The following TSC1 variants were observed in gnomAD, a reference collection of about 807,000 sequenced individuals.
TSC1 encodes the protein hamartin.
TSC1 carries 20 observed loss-of-function variants against 124.3 expected under a neutral mutation model. That is an observed-to-expected ratio of 0.16 (90% CI 0.11 to 0.23). The LOEUF (loss-of-function observed/expected upper bound fraction) is 0.23. Among genes scored for constraint, TSC1 ranks in the 10% least tolerant of loss-of-function variants. TSC1 has a pLI of 1.00. For synonymous variants in TSC1, 493 were observed against 539.1 expected (o/e 0.91, Z 1.19); for missense variants, 1,124 against 1,448.5 (o/e 0.78, Z 3.64).
Position 132,911,515 on chromosome 9 carries a change from G to C in TSC1, c.967C>G (p.Pro323Ala), listed in dbSNP as rs781189978. ...STSRLMLLNM[P>A]GQLPQTLSSP... ...CTCAGAGTCTGAGGTAGCTGCCCTG[G>C]CATATTTAACAACATCAGCCGAGAC... is the stretch of plus-strand genomic sequence containing the variant. The change falls in exon 10 of 23, where the codon CCA becomes GCA. Residue 323 changes from proline (P) to alanine (A), a missense_variant. Transcript: ENST00000298552. 2.5e-6 allele frequency: 4 copies of C among 1,613,380 alleles called. No individual in the cohort carries two copies. Among genetic ancestry groups the C allele is most frequent in the Non-Finnish European group, 3.4e-6 (4 of 1,179,932 alleles).
In TSC1 at chr9:132,903,743, G is replaced by A. The variant is rs1588304163; in HGVS notation, c.2116C>T (p.Arg706Cys). ...LLLHNQLLYE[R>C]FKRQQHALRN... ...AGGGCATGCTGCTGCCTCTTAAAAC[G>A]CTCATAGAGTAACTGGTTGTGCAGT... is the stretch of plus-strand genomic sequence containing the variant. Residue 706 changes from arginine (R) to cysteine (C), a missense_variant, in exon 17 of 23, where the codon CGT (arginine) becomes TGT (cysteine). Physicochemically the swap from Arg to Cys is radical, Grantham distance 180 (BLOSUM62 -3). This residue lies in a region of TSC1 where 321 missense variants were observed against 397.4 expected (regional missense o/e 0.81). Transcript: ENST00000298552. This position sits in a 1 kb window ranked among gnomAD's most constrained non-coding sequence, Gnocchi z 5.9. 2 of 1,613,626 alleles carry A rather than the reference G, an allele frequency of 1.2e-6. No individual in the cohort carries two copies. Among genetic ancestry groups the A allele is most frequent in the Non-Finnish European group, 1.7e-6 (2 of 1,180,016 alleles).
At chr9:132,931,740 G>A (rs550873550) in intron 2 of TSC1, among the ~76,000 whole-genome samples, 1 of 152,290 alleles carries the variant, frequency 6.6e-6, no homozygotes, top group African/African-American at 2.4e-5. Flanking sequence ...AGGGTCTACA[G>A]TAAGTGCAAG....
chr9:132,892,630 C>T lies in TSC1; in HGVS notation c.*3605G>A. On this transcript the variant is annotated 3_prime_UTR_variant, in exon 23 of 23. Transcript: ENST00000298552. ...TCCAGCCTGTGCAGGCCTCCTCCCA[C>T]CTCTTAGTGCTTTCAGCGAGAAAAG... 2 of 233,380 alleles carry T rather than the reference C, an allele frequency of 8.6e-6. No homozygotes were observed. 14.5% of individuals were successfully genotyped at this position (233,380 alleles called of 1,614,324 possible).
rs2131562067 is a variant in TSC1 at position 132,894,595 on chromosome 9, C to T, written c.*1640G>A. 4.4e-6 allele frequency: 1 copy of T among 225,988 alleles called. No individual in the cohort carries two copies. Among genetic ancestry groups the T allele is most frequent in the East Asian group, 6.3e-5 (1 of 15,758 alleles). 14.0% of individuals were successfully genotyped at this position (225,988 alleles called of 1,614,324 possible). On this transcript the variant is annotated 3_prime_UTR_variant, in exon 23 of 23. Coordinates refer to ENST00000298552, the MANE Select transcript of TSC1 (RefSeq NM_000368.5). ...TGGGAATCAGTCACACCCAGAAAGC[C>T]TGCCTGAACAGGTTTTCTGCTGGTA... is the stretch of plus-strand genomic sequence containing the variant.
At chr9:132,930,791 C>T (rs1416403252) in intron 2 of TSC1, among the ~76,000 whole-genome samples, 1 of 152,044 alleles carries the variant, frequency 6.6e-6, no homozygotes. Context: ...ATTAAAATGT[C>T]TAAATGCCTT....
At position 132,930,587 on chromosome 9, in the gene TSC1, C is replaced by CAAAAAA. The variant is rs58163733; in HGVS notation, c.-80-1641_-80-1636dup. Among the ~76,000 whole-genome samples the CAAAAAA allele has an allele frequency of 1.9e-3, 86 of 45,200 alleles. 1 individual carries two copies. Among genetic ancestry groups the CAAAAAA allele is most frequent in the African/African-American group, 4.1e-3 (41 of 10,062 alleles). The allele number at this position is 45,200 out of a possible 152,430, so 29.7% of individuals were successfully genotyped here. A position where few individuals can be genotyped will look rare whatever the true frequency, so the allele number is the denominator to read the frequency against. On this transcript the variant is annotated intron_variant, in intron 2 of 22. Coordinates refer to ENST00000298552, the MANE Select transcript of TSC1 (RefSeq NM_000368.5). ...TGGGCAACAAAGCAAGACTCTGCCTCAAAAAAAAAAAAAAAAAAAAAAAAA... is the reference window on the plus strand; with the variant it reads ...TGGGCAACAAAGCAAGACTCTGCCTCAAAAAAAAAAAAAAAAAAAAAAAAAAAAAAA...
At chr9:132,910,301 CAAAAA>C (rs10712193) in intron 12 of TSC1, 969 of 475,496 alleles carry the variant, frequency 2.0e-3, no homozygotes, top group South Asian at 2.3e-3. Flanking sequence ...ACCCTGTCTC[CAAAAA>C]AAAAAAAAAA....
At chr9:132,897,934 T>A (rs1034854283) in intron 20 of TSC1, among the ~76,000 whole-genome samples, 17 of 152,212 alleles carry the variant, frequency 1.1e-4, no homozygotes, top group African/African-American at 4.1e-4. Context: ...TAAATTAAAA[T>A]ACATCCTATA....
At position 132,895,322 on chromosome 9, in the gene TSC1, G is replaced by A. The variant is rs117425923; in HGVS notation, c.*913C>T. ...GCACACAAAGGGAGGCCAGTAGACA[G>A]AAGGGTTTAACAAAAGGCCCAGCAA... is the stretch of plus-strand genomic sequence containing the variant. On this transcript the variant is annotated 3_prime_UTR_variant, in exon 23 of 23. Coordinates refer to ENST00000298552, the MANE Select transcript of TSC1 (RefSeq NM_000368.5). 0.038 allele frequency: 8,969 copies of A among 233,440 alleles called. 269 individuals are homozygous for A. Among genetic ancestry groups the A allele is most frequent in the Middle Eastern group, 0.059 (46 of 780 alleles). 14.5% of individuals were successfully genotyped at this position (233,440 alleles called of 1,614,324 possible).
chr9:132,925,470 G>A (rs1397497575), intron 5 of TSC1, 117 bp downstream of exon 5: 2 of 1,284,724 alleles, frequency 1.6e-6, no homozygotes, highest in African/African-American at 1.5e-5. Flanking sequence ...AAAGCCAAAT[G>A]CCTAGAAGGT....
At chr9:132,932,302 T>C (rs1847244625) in intron 2 of TSC1, among the ~76,000 whole-genome samples, 1 of 152,156 alleles carries the variant, frequency 6.6e-6, no homozygotes, top group African/African-American at 2.4e-5. Flanking sequence ...ACCATCAGTC[T>C]AAAGCAAACA....
At position 132,896,004 on chromosome 9, in the gene TSC1, G is replaced by A; in HGVS notation, c.*231C>T. 1.7e-6 allele frequency: 1 copy of A among 601,252 alleles called. No individual in the cohort carries two copies. The highest frequency in any genetic ancestry group is 3.0e-6 in the Non-Finnish European group (1 of 336,906). The allele number at this position is 601,252 out of a possible 1,614,324, so 37.2% of individuals were successfully genotyped here. On this transcript the variant is annotated 3_prime_UTR_variant, in exon 23 of 23. Transcript: ENST00000298552. This position sits in a 1 kb window ranked among gnomAD's most constrained non-coding sequence, Gnocchi z 4.5. ...ACTGGCCCTTGGATTAGAACACACT[G>A]CGAGGTAAATGAGAGGGGGTTAGGG...
Position 132,897,339 on chromosome 9 carries a change from C to T in TSC1, c.2820G>A (p.Gln940=), listed in dbSNP as rs2131628697. Reference sequence around the variant, plus strand: ...CATACCTGCTCTCTGCGGCCTGCAGCTGTCCTCTGAAAGATACAGACCAGC... The same window carrying T: ...CATACCTGCTCTCTGCGGCCTGCAGTTGTCCTCTGAAAGATACAGACCAGC... ...LEDVKLQARG[Q]LQAAESRYEA... Residue 940 remains glutamine (Q), a synonymous_variant, in exon 22 of 23, where the codon CAG becomes CAA. Coordinates refer to ENST00000298552, the MANE Select transcript of TSC1 (RefSeq NM_000368.5). 6.2e-7 allele frequency: 1 copy of T among 1,614,208 alleles called. No individual in the cohort carries two copies. Among genetic ancestry groups the T allele is most frequent in the Non-Finnish European group, 8.5e-7 (1 of 1,180,038 alleles).
chr9:132,925,897 G>T (rs1042107720), intron 4 of TSC1, 158 bp from the exon 5 acceptor site: 6 of 965,686 alleles, frequency 6.2e-6, no homozygotes, highest in African/African-American at 1.6e-5. Context: ...TAAAAACCAC[G>T]TTAGCAAACA....
intron 1 of TSC1, among the ~76,000 whole-genome samples, chr9:132,940,139 G>T (rs1847661268): frequency 6.6e-6 from 1 of 151,870 alleles, no homozygotes; most frequent in Non-Finnish European, 1.5e-5. Flanking sequence ...CACGTAGCAG[G>T]TTACATACCT....
chr9:132,924,405 G>T (rs548451734), intron 5 of TSC1, among the ~76,000 whole-genome samples: 1 of 152,274 alleles, frequency 6.6e-6, no homozygotes, highest in East Asian at 1.9e-4. Flanking sequence ...TATCCAGTAA[G>T]AATAATATAT....
intron 20 of TSC1, chr9:132,900,331 GAA>G: frequency 8.4e-6 from 2 of 237,768 alleles, no homozygotes; most frequent in Non-Finnish European, 1.7e-5. Context: ...ACATTAAAAG[GAA>G]AAAAAAAAAT....
At chr9:132,898,935 CT>C (rs548570630) in intron 20 of TSC1, 2 of 152,326 alleles carry the variant, frequency 1.3e-5, no homozygotes, top group Non-Finnish European at 2.9e-5. Context: ...TTTTCCTTTT[CT>C]TTTTTTTGGA....
chr9:132,894,942 G>C lies in TSC1; in HGVS notation c.*1293C>G. Reference sequence around the variant, plus strand: ...CTTTCAGGAGCACTTGTTGAGTTTGGATTCTCTGCCACTGCCAATTTTCTG... The same window carrying C: ...CTTTCAGGAGCACTTGTTGAGTTTGCATTCTCTGCCACTGCCAATTTTCTG... On this transcript the variant is annotated 3_prime_UTR_variant, in exon 23 of 23. Transcript: ENST00000298552. 4.3e-6 allele frequency: 1 copy of C among 231,970 alleles called. No individual in the cohort carries two copies. Among genetic ancestry groups the C allele is most frequent in the Non-Finnish European group, 8.5e-6 (1 of 117,288 alleles). The allele number at this position is 231,970 out of a possible 1,614,324, so 14.4% of individuals were successfully genotyped here.
Sources: allele counts gnomAD v4.1 joint callset (sites outside exome capture counted in the v4.1 genomes callset), GRCh38; gene constraint gnomAD v4.1.1; regional missense constraint gnomAD v4.1.1; non-coding constraint Gnocchi (gnomAD v3.1); transcripts MANE v1.5; gene names NCBI Gene and HGNC (gene_info 2026-07-23, HGNC 2026-07-21).